Variants in PKHD1 observed in about 807,000 individuals in gnomAD.
The protein encoded by PKHD1 is PKHD1 ciliary IPT domain containing fibrocystin/polyductin.
Under a neutral mutation model 412.0 loss-of-function variants are expected in PKHD1, and 291 were observed. That is an observed-to-expected ratio of 0.71 (90% CI 0.64 to 0.78). PKHD1 has a LOEUF of 0.78. Ranked by LOEUF, PKHD1 falls within the 30% of genes least tolerant of loss-of-function variation. The probability of loss-of-function intolerance (pLI) is 0.00; values close to 1 mark genes in which losing one functional copy is unlikely to be tolerated. For synonymous variants in PKHD1, 1,777 were observed against 1,821.5 expected, an observed-to-expected ratio of 0.98 and a Z score of 0.62; for missense variants, 4,825 against 4,950.7, an observed-to-expected ratio of 0.97 and a Z score of 0.76.
chr6:51,868,309 T>A (rs767653340), intron 47 of PKHD1, among the ~76,000 whole-genome samples, 200 bp from the exon 48 acceptor site: 2 of 152,176 alleles, frequency 1.3e-5, no homozygotes, highest in Non-Finnish European at 2.9e-5. Context: ...CTAGAGATAC[T>A]AAGAGGTATA....
chr6:51,928,902 T>C (rs1786134672), intron 37 of PKHD1, among the ~76,000 whole-genome samples: 1 of 152,154 alleles, frequency 6.6e-6, no homozygotes. Context: ...CAAGAATTCA[T>C]AAATCCTTGG....
intron 35 of PKHD1, among the ~76,000 whole-genome samples, chr6:51,977,241 G>T (rs949115438): frequency 1.6e-4 from 24 of 152,304 alleles, no homozygotes; most frequent in African/African-American, 5.3e-4. Context: ...CAGTATATAT[G>T]CTTCCCTCAT....
chr6:52,080,902 GT>G (rs1811935727), intron 4 of PKHD1, among the ~76,000 whole-genome samples: 1 of 152,130 alleles, frequency 6.6e-6, no homozygotes, highest in South Asian at 2.1e-4. Context: ...ACTTTTTCAA[GT>G]GGCTAAATAG....
intron 60 of PKHD1, among the ~76,000 whole-genome samples, chr6:51,712,864 G>A (rs188786976): frequency 2.0e-3 from 305 of 152,314 alleles, no homozygotes; most frequent in African/African-American, 6.5e-3. Context: ...TGTTTGATAT[G>A]TGTGTTTAAT....
At chr6:52,045,114 T>C (rs1323639033) in intron 24 of PKHD1, 26 bp from the exon 25 acceptor site, 1 of 1,612,024 alleles carries the variant, frequency 6.2e-7, no homozygotes, top group African/African-American at 1.3e-5. Context: ...TTCTGGTAAA[T>C]TCTGTCATGG....
rs546773988 is a variant in PKHD1 at position 52,043,742 on chromosome 6, C to T, written c.2716-12G>A. 8.1e-6 allele frequency: 13 copies of T among 1,601,932 alleles called. No individual in the cohort carries two copies. The highest frequency in any genetic ancestry group is 1.7e-4 in the Middle Eastern group (1 of 6,020). On this transcript the variant is annotated splice_polypyrimidine_tract_variant and intron_variant, in intron 25 of 66. Coordinates refer to ENST00000371117, the MANE Select transcript of PKHD1 (RefSeq NM_138694.4). ...ACTCGCACAACCACCTGAAATGAGG[C>T]AAAATTTCTTTTCCATTTTATGCAT...
rs774439236 is a variant in PKHD1 at position 51,744,507 on chromosome 6, T to A, written c.10034A>T (p.Asp3345Val). 6.2e-7 allele frequency: 1 copy of A among 1,613,392 alleles called. No individual in the cohort carries two copies. Among genetic ancestry groups the A allele is most frequent in the Admixed American group, 1.7e-5 (1 of 59,982 alleles). ...DLGKVVCPEL[D>V]CASPRKYLFK... Reference sequence around the variant, plus strand: ...GAGATATTTTCTTGGACTTGCACAGTCTAATTCAGGACAGACTACTTTTCC... The same window carrying A: ...GAGATATTTTCTTGGACTTGCACAGACTAATTCAGGACAGACTACTTTTCC... The change falls in exon 60 of 67, where the codon GAC becomes GTC. Residue 3345 changes from aspartate to valine, a missense_variant. Transcript: ENST00000371117.
chr6:51,710,313 G>A (rs547248271), intron 60 of PKHD1, among the ~76,000 whole-genome samples: 1 of 152,286 alleles, frequency 6.6e-6, no homozygotes, highest in East Asian at 1.9e-4. Flanking sequence ...TGGATGACAA[G>A]AGAGGCAAAT....
chr6:51,980,143 C>T (rs541939700), intron 35 of PKHD1, among the ~76,000 whole-genome samples: 7 of 152,280 alleles, frequency 4.6e-5, no homozygotes, highest in Non-Finnish European at 8.8e-5. Flanking sequence ...ATTTATTACC[C>T]GTATGTAACA....
intron 5 of PKHD1, among the ~76,000 whole-genome samples, chr6:52,076,558 A>T (rs924813689): frequency 5.9e-5 from 9 of 152,154 alleles, no homozygotes; most frequent in Non-Finnish European, 2.9e-5. Context: ...AGGTAATTTG[A>T]TTAAGGTCAC....
chr6:51,963,392 C>T (rs1792353199), intron 35 of PKHD1, among the ~76,000 whole-genome samples: 1 of 152,070 alleles, frequency 6.6e-6, no homozygotes, highest in Non-Finnish European at 1.5e-5. Context: ...CTTAGCATAA[C>T]AAAGATATCT....
chr6:51,734,074 T>G (rs73738181), intron 60 of PKHD1, among the ~76,000 whole-genome samples: 2,596 of 152,324 alleles, frequency 0.017, 77 homozygotes, highest in African/African-American at 0.058. Flanking sequence ...GAATGTGTTC[T>G]GAAGTACACT....
At chr6:52,027,989 G>GCAAA in intron 30 of PKHD1, 93 bp from the exon 31 acceptor site, 1 of 1,188,412 alleles carries the variant, frequency 8.4e-7, no homozygotes, top group Non-Finnish European at 1.3e-6. Flanking sequence ...GAGGAGAAGA[G>GCAAA]CAAACTGTCT....
intron 43 of PKHD1, among the ~76,000 whole-genome samples, chr6:51,889,384 G>A (rs758848898): frequency 3.3e-5 from 5 of 152,172 alleles, no homozygotes; most frequent in Non-Finnish European, 7.3e-5. Context: ...ACTACGCTGT[G>A]AGCATCCCCT....
intron 21 of PKHD1, among the ~76,000 whole-genome samples, chr6:52,051,417 T>C (rs1356110317): frequency 6.6e-6 from 1 of 152,230 alleles, no homozygotes; most frequent in Admixed American, 6.5e-5. Flanking sequence ...ACTATGAATA[T>C]TGAGCCCAAT....
At chr6:52,032,914 G>T (rs536842772) in intron 29 of PKHD1, 116 bp downstream of exon 29, 12 of 923,394 alleles carry the variant, frequency 1.3e-5, no homozygotes, top group Non-Finnish European at 2.1e-5. Flanking sequence ...CAATCTCCTA[G>T]CTTTCAAGAA....
intron 35 of PKHD1, among the ~76,000 whole-genome samples, chr6:52,001,527 T>C (rs1798392064): frequency 6.6e-6 from 1 of 151,910 alleles, no homozygotes; most frequent in African/African-American, 2.4e-5. Flanking sequence ...CCTCCCGGGT[T>C]CACGTCATTC....
intron 60 of PKHD1, among the ~76,000 whole-genome samples, chr6:51,672,211 A>G (rs779925268): frequency 2.0e-5 from 3 of 152,230 alleles, no homozygotes; most frequent in Non-Finnish European, 2.9e-5. Context: ...ATGTCTAGTA[A>G]TAATTTTATA....
intron 52 of PKHD1, among the ~76,000 whole-genome samples, chr6:51,823,698 G>A (rs1766845310): frequency 2.0e-5 from 3 of 152,062 alleles, no homozygotes; most frequent in Admixed American, 2.0e-4. Flanking sequence ...AAAATGCACT[G>A]CTATTTTAAT....
Sources: gnomAD v4.1 joint callset for allele counts (sites outside exome capture counted in the v4.1 genomes callset) on GRCh38, gnomAD v4.1.1 for gene constraint, MANE v1.5 for transcripts, NCBI Gene and HGNC (gene_info 2026-07-23, HGNC 2026-07-21) for gene names.